ZNF98: variants seen among roughly 807,000 people sequenced by gnomAD.
ZNF98 encodes zinc finger protein 739.
ZNF98 carries 8 observed loss-of-function variants against 12.8 expected under a neutral mutation model. The ratio of observed to expected loss-of-function variants is 0.63; its 90% CI spans 0.37 to 1.13. The LOEUF is 1.13. ZNF98 is among the 50% of genes most tolerant of loss of function. The pLI is 0.01. For synonymous variants in ZNF98, 112 were observed against 223.5 expected, an observed-to-expected ratio of 0.50 and a Z score of 4.45; for missense variants, 379 against 666.1, an observed-to-expected ratio of 0.57 and a Z score of 4.74.
intron 1 of ZNF98, among the ~76,000 whole-genome samples, chr19:22,407,438 G>A (rs1379796525): frequency 6.8e-6 from 1 of 147,982 alleles, no homozygotes; most frequent in African/African-American, 2.5e-5. Flanking sequence ...TCTCGGCTGG[G>A]CACGGTGGCT....
At chr19:22,395,256 G>A (rs1329188000) in intron 3 of ZNF98, among the ~76,000 whole-genome samples, 3 of 150,622 alleles carry the variant, frequency 2.0e-5, no homozygotes, top group South Asian at 4.2e-4. Flanking sequence ...TTTAGACAAG[G>A]CACATCCTAA....
chr19:22,397,201 T>TGC (rs1249890862), intron 3 of ZNF98, among the ~76,000 whole-genome samples: 14 of 84,286 alleles, frequency 1.7e-4, no homozygotes, highest in African/African-American at 4.9e-4. Context: ...TGTGTGTGTG[T>TGC]GTGTGTGTTT....
rs1969337846 is a variant in ZNF98, at chr19:22,392,354, T to C, written c.881A>G (p.Tyr294Cys). ...HKRIHTGEKPYKCEECGRAFS... is the reference protein window; with the variant it reads ...HKRIHTGEKPCKCEECGRAFS... Reference sequence around the variant, plus strand: ...AGCTCTGCCACATTCTTCACATTTGTAGGGTTTCTCTCCAGTATGAATTCT... The same window carrying C: ...AGCTCTGCCACATTCTTCACATTTGCAGGGTTTCTCTCCAGTATGAATTCT... Residue 294 changes from tyrosine to cysteine, a missense_variant, in exon 4 of 4, where the codon TAC becomes TGC. Tyr to Cys is a radical substitution (Grantham distance 194, BLOSUM62 -2). Coordinates refer to ENST00000357774, the MANE Select transcript of ZNF98 (RefSeq NM_001098626.2). 6.6e-7 allele frequency: 1 copy of C among 1,515,456 alleles called. No homozygotes were observed. The highest frequency in any genetic ancestry group is 2.3e-4 in the Middle Eastern group (1 of 4,286). The allele number at this position is 1,515,456 out of a possible 1,614,324, so 93.9% of individuals were successfully genotyped here.
chr19:22,396,108 TAAAA>T (rs1423703573), intron 3 of ZNF98, among the ~76,000 whole-genome samples: 1 of 152,102 alleles, frequency 6.6e-6, no homozygotes, highest in East Asian at 1.9e-4. Context: ...TGCACATACA[TAAAA>T]ACAGAATCTT....
chr19:22,410,666 T>C (rs1011657296), intron 1 of ZNF98, among the ~76,000 whole-genome samples: 5 of 152,148 alleles, frequency 3.3e-5, no homozygotes, highest in Non-Finnish European at 7.3e-5. Flanking sequence ...ATGCCACACA[T>C]ATACGTATGT....
intron 1 of ZNF98, among the ~76,000 whole-genome samples, chr19:22,407,247 G>C (rs1969530089): frequency 6.6e-6 from 1 of 151,908 alleles, no homozygotes; most frequent in South Asian, 2.1e-4. Context: ...AGTAGAGATA[G>C]GGTTTCATCT....
At chr19:22,407,075 TAGAC>T (rs1969527694) in intron 1 of ZNF98, among the ~76,000 whole-genome samples, 1 of 150,608 alleles carries the variant, frequency 6.6e-6, no homozygotes, top group South Asian at 2.1e-4. Context: ...AATAACCAGT[TAGAC>T]AGAGTCTCAC....
At chr19:22,408,097 A>G (rs1208562030) in intron 1 of ZNF98, among the ~76,000 whole-genome samples, 1 of 152,098 alleles carries the variant, frequency 6.6e-6, no homozygotes, top group Non-Finnish European at 1.5e-5. Flanking sequence ...CTGATCCACA[A>G]CAATCAAGTC....
chr19:22,394,037 A>G (rs1183205349), intron 3 of ZNF98, among the ~76,000 whole-genome samples: 1 of 148,662 alleles, frequency 6.7e-6, no homozygotes, highest in African/African-American at 2.5e-5. Context: ...ATGTGAACAG[A>G]CACTTCTCAA....
At chr19:22,414,240 A>AG (rs990803006) in intron 1 of ZNF98, among the ~76,000 whole-genome samples, 1 of 64,628 alleles carries the variant, frequency 1.5e-5, no homozygotes, top group African/African-American at 3.6e-5. Flanking sequence ...CTCAAAAAAA[A>AG]AAAAAAAAAA....
At chr19:22,406,406 AAAAC>A (rs1336278814) in intron 1 of ZNF98, among the ~76,000 whole-genome samples, 2 of 152,130 alleles carry the variant, frequency 1.3e-5, no homozygotes, top group Non-Finnish European at 2.9e-5. Flanking sequence ...CCACTGAAAA[AAAAC>A]AAACAGAAAT....
intron 1 of ZNF98, among the ~76,000 whole-genome samples, chr19:22,410,378 A>G (rs1969567765): frequency 1.3e-5 from 2 of 152,230 alleles, no homozygotes. Context: ...AGACTTGACA[A>G]ATAAAATATG....
At chr19:22,414,775 A>G (rs910166907) in intron 1 of ZNF98, among the ~76,000 whole-genome samples, 2 of 152,190 alleles carry the variant, frequency 1.3e-5, no homozygotes, top group Non-Finnish European at 2.9e-5. Context: ...TTCAAATTAT[A>G]TATTTAAAAA....
Position 22,392,788 on chromosome 19 carries a change from G to A in ZNF98, c.447C>T (p.Thr149=). 6.2e-7 allele frequency: 1 copy of A among 1,612,672 alleles called. No homozygotes were observed. The highest frequency in any genetic ancestry group is 1.1e-5 in the South Asian group (1 of 90,806). ...YNGLNQCLTT[T]QNKIFQYDKY... The stretch of plus-strand genomic sequence containing the variant: ...TGTCATATTGAAATATTTTGTTCTG[G>A]GTAGTTGTCAAACACTGGTTAAGTC... Residue 149 remains threonine (T), a synonymous_variant, in exon 4 of 4, where the codon ACC becomes ACT. Coordinates refer to ENST00000357774, the MANE Select transcript of ZNF98 (RefSeq NM_001098626.2).
At chr19:22,419,260 C>CA (rs1969677917) in intron 1 of ZNF98, among the ~76,000 whole-genome samples, 1 of 152,140 alleles carries the variant, frequency 6.6e-6, no homozygotes, top group Non-Finnish European at 1.5e-5. Context: ...GAAACTGCTT[C>CA]AAAACAATAA....
intron 3 of ZNF98, among the ~76,000 whole-genome samples, chr19:22,395,877 A>G (rs73923890): frequency 0.018 from 874 of 49,014 alleles, 2 homozygotes; most frequent in South Asian, 0.1. Flanking sequence ...GAGGGGGGGG[A>G]AAAAAAAAAG....
At position 22,392,792 on chromosome 19, in the gene ZNF98, G is replaced by C. The variant is rs1972024240; in HGVS notation, c.443C>G (p.Thr148Ser). The change falls in exon 4 of 4, where the codon ACT (threonine) becomes AGT (serine). Residue 148 changes from threonine (T) to serine (S), a missense_variant. Physicochemically the swap from Thr to Ser is moderately conservative, Grantham distance 58. This residue lies in a region of ZNF98 where 223 missense variants were observed against 261.6 expected (regional missense o/e 0.85). Coordinates refer to ENST00000357774, the MANE Select transcript of ZNF98 (RefSeq NM_001098626.2). Reference protein sequence around the residue: ...CYNGLNQCLTTTQNKIFQYDK... With the variant: ...CYNGLNQCLTSTQNKIFQYDK... The stretch of plus-strand genomic sequence containing the variant: ...ATATTGAAATATTTTGTTCTGGGTA[G>C]TTGTCAAACACTGGTTAAGTCCATT... The C allele has an allele frequency of 6.2e-7, 1 of 1,612,678 alleles. No individual in the cohort carries two copies.
intron 1 of ZNF98, among the ~76,000 whole-genome samples, chr19:22,405,136 A>AT (rs1390510592): frequency 6.6e-6 from 1 of 152,128 alleles, no homozygotes; most frequent in African/African-American, 2.4e-5. Flanking sequence ...CCTGACTATT[A>AT]TAAGAACTAA....
chr19:22,417,696 A>G (rs990784246), intron 1 of ZNF98, among the ~76,000 whole-genome samples: 14 of 152,048 alleles, frequency 9.2e-5, no homozygotes, highest in Admixed American at 4.6e-4. Flanking sequence ...ATGCCAGGAG[A>G]CTTGTAGACA....
Sources: gnomAD v4.1 joint callset for allele counts (sites outside exome capture counted in the v4.1 genomes callset) on GRCh38, gnomAD v4.1.1 for gene constraint, gnomAD v4.1.1 regional missense constraint, MANE v1.5 for transcripts, NCBI Gene and HGNC (gene_info 2026-07-23, HGNC 2026-07-21) for gene names.